Variants in HEPHL1 observed in about 807,000 individuals in gnomAD.
HEPHL1 encodes the protein ferroxidase HEPHL1.
Under a neutral mutation model 122.0 loss-of-function variants are expected in HEPHL1, and 123 were observed. The ratio of observed to expected loss-of-function variants is 1.01; its 90% CI spans 0.87 to 1.17. The LOEUF (loss-of-function observed/expected upper bound fraction) is 1.17, where lower values mean the gene tolerates loss of function less well. HEPHL1 is among the 50% of genes most tolerant of loss of function. The probability of loss-of-function intolerance (pLI) is 0.00; values close to 1 mark genes in which losing one functional copy is unlikely to be tolerated. For synonymous variants in HEPHL1, 527 were observed against 508.9 expected (o/e 1.04, Z -0.48); for missense variants, 1,452 against 1,430.5 (o/e 1.01, Z -0.24).
In HEPHL1 at chr11:94,070,534, C is replaced by G. The variant is rs372427530; in HGVS notation, c.1224C>G (p.Ala408=). The G allele has an allele frequency of 1.2e-6, 2 of 1,609,524 alleles. No homozygotes were observed. The highest frequency in any genetic ancestry group is 3.4e-5 in the Admixed American group (2 of 59,492). Residue 408 remains alanine (A), a synonymous_variant, in exon 6 of 20, where the codon GCC becomes GCG. Transcript: ENST00000315765. ...YNKFSGLPLN[A]SGSDSDLYFT... ...AATTCAGTGGTCTTCCTCTAAACGC[C>G]TCTGGCAGGTAAGCACCCTTTGTTG...
chr11:94,046,743 GA>G lies in HEPHL1; in HGVS notation c.415+831del, dbSNP rs201940679. ...GCAGTTTCTGGATTCCTCCCTAATT[GA>G]AAAATATTAAACAACTTTCTTAGAC... is the stretch of plus-strand genomic sequence containing the variant. On this transcript the variant is annotated intron_variant, in intron 2 of 19. Transcript: ENST00000315765. Among the ~76,000 whole-genome samples the G allele has an allele frequency of 3.1e-3, 468 of 151,954 alleles. 2 individuals are homozygous for G. The highest frequency in any genetic ancestry group is 0.011 in the African/African-American group (453 of 41,420).
chr11:94,046,340 C>T (rs1302310940), intron 2 of HEPHL1, among the ~76,000 whole-genome samples: 6 of 151,308 alleles, frequency 4.0e-5, no homozygotes, highest in Non-Finnish European at 8.8e-5. Flanking sequence ...TCAAATGATC[C>T]GCCCGCCTCA....
At chr11:94,038,116 A>G (rs1591463753) in intron 1 of HEPHL1, among the ~76,000 whole-genome samples, 5 of 150,824 alleles carry the variant, frequency 3.3e-5, no homozygotes, top group African/African-American at 1.2e-4. Context: ...AAGAAAGGGT[A>G]TCAGCAATGG....
In HEPHL1 at chr11:94,111,896, C is replaced by A. The variant is rs1946453704; in HGVS notation, c.*2C>A. ...GCTCTCCCCACGGATGCTCTGTGAA[C>A]CATCTGGTCTCCCTCAACAGGAAAG... On this transcript the variant is annotated 3_prime_UTR_variant, in exon 20 of 20. Transcript: ENST00000315765. The A allele has an allele frequency of 6.6e-7, 1 of 1,507,960 alleles. No individual in the cohort carries two copies. The highest frequency in any genetic ancestry group is 2.3e-5 in the Admixed American group (1 of 43,238). 93.4% of individuals were successfully genotyped at this position (1,507,960 alleles called of 1,614,324 possible).
At position 94,112,518 on chromosome 11, in the gene HEPHL1, A is replaced by G. The variant is rs1565365520; in HGVS notation, c.*624A>G. 2 of 152,362 alleles carry G rather than the reference A, an allele frequency of 1.3e-5. No homozygotes were observed. Among genetic ancestry groups the G allele is most frequent in the East Asian group, 3.9e-4 (2 of 5,194 alleles). 9.4% of individuals were successfully genotyped at this position (152,362 alleles called of 1,614,324 possible). A position where few individuals can be genotyped will look rare whatever the true frequency, so the allele number is the denominator to read the frequency against. On this transcript the variant is annotated 3_prime_UTR_variant, in exon 20 of 20. Transcript: ENST00000315765. ...AGTGCTTGTTTTAAAAAGCAAAGTT[A>G]TACGTTTTTTAAAAAATTGCTGCTG...
intron 1 of HEPHL1, among the ~76,000 whole-genome samples, chr11:94,039,404 T>G (rs1945754516): frequency 6.6e-6 from 1 of 151,992 alleles, no homozygotes; most frequent in Non-Finnish European, 1.5e-5. Context: ...CCACCCCAAA[T>G]CAACAGAATA....
chr11:94,110,968 G>C lies in HEPHL1; in HGVS notation c.3111G>C (p.Leu1037=), dbSNP rs368314503. 89 of 1,612,726 alleles carry C rather than the reference G, an allele frequency of 5.5e-5. No homozygotes were observed. The highest frequency in any genetic ancestry group is 4.2e-4 in the Admixed American group (25 of 59,866). Residue 1037 remains leucine, a synonymous_variant, in exon 18 of 20, where the codon CTG becomes CTC. Transcript: ENST00000315765. ...CTGGGACATTCCAAACCATTGAACT[G>C]TTTGCAGATCACCCAGGGACATGGC... The part of the protein sequence containing the change: ...LFPGTFQTIE[L]FADHPGTWLL...
Position 94,086,182 on chromosome 11 carries a change from C to T in HEPHL1, c.2073C>T (p.Asp691=). 1.2e-6 allele frequency: 2 copies of T among 1,609,078 alleles called. No individual in the cohort carries two copies. The highest frequency in any genetic ancestry group is 8.5e-7 in the Non-Finnish European group (1 of 1,177,850). The change falls in exon 11 of 20, where the codon GAC becomes GAT. Residue 691 remains aspartate (D), a synonymous_variant. Transcript: ENST00000315765. ...HMATTAFMQP[D]HAGIFRVFCA... ...CCACAACAGCATTCATGCAGCCAGA[C>T]CATGCAGGTAAACTTGCTGGGTCCA...
At chr11:94,042,388 G>T in intron 1 of HEPHL1, among the ~76,000 whole-genome samples, 1 of 140,628 alleles carries the variant, frequency 7.1e-6, no homozygotes, top group Non-Finnish European at 1.5e-5. Context: ...TATACCCAAA[G>T]GACTATAAAT....
chr11:94,094,360 G>T (rs1946292416), intron 13 of HEPHL1, among the ~76,000 whole-genome samples: 1 of 152,016 alleles, frequency 6.6e-6, no homozygotes, highest in Non-Finnish European at 1.5e-5. Context: ...AGTATTCCAT[G>T]GTGTATATGT....
chr11:94,064,202 T>C lies in HEPHL1; in HGVS notation c.629-129T>C, dbSNP rs1299750857. 8.1e-6 allele frequency: 5 copies of C among 614,932 alleles called. No homozygotes were observed. The East Asian group carries it at 1.4e-4, about 17-fold the overall frequency. The allele number at this position is 614,932 out of a possible 1,614,324, so 38.1% of individuals were successfully genotyped here. On this transcript the variant is annotated intron_variant, in intron 3 of 19. Transcript: ENST00000315765. ...TCTCCATTAAAGCCTTTTGCTGATTTTATATGGTGGGTTATCCTTGTAGGT... is the reference window on the plus strand; with the variant it reads ...TCTCCATTAAAGCCTTTTGCTGATTCTATATGGTGGGTTATCCTTGTAGGT...
intron 2 of HEPHL1, among the ~76,000 whole-genome samples, chr11:94,058,292 T>A (rs565217241): frequency 7.9e-5 from 12 of 152,322 alleles, no homozygotes; most frequent in African/African-American, 2.2e-4. Context: ...TTATTTTTTT[T>A]AAATCAATTT....
chr11:94,111,134 A>G (rs758065827), intron 18 of HEPHL1, 69 bp downstream of exon 18: 2 of 1,384,924 alleles, frequency 1.4e-6, no homozygotes, highest in Non-Finnish European at 2.0e-6. Flanking sequence ...AACAGGAGGC[A>G]TGACAAAAAC....
intron 8 of HEPHL1, among the ~76,000 whole-genome samples, chr11:94,074,084 G>A (rs1946101075): frequency 6.6e-6 from 1 of 152,048 alleles, no homozygotes; most frequent in Non-Finnish European, 1.5e-5. Flanking sequence ...TATTACTGCA[G>A]CAGACACCCT....
chr11:94,066,201 A>G (rs1207269721), intron 4 of HEPHL1, among the ~76,000 whole-genome samples: 1 of 152,186 alleles, frequency 6.6e-6, no homozygotes, highest in Admixed American at 6.5e-5. Flanking sequence ...CTCAAAAAAC[A>G]AAAACAAAAA....
At chr11:94,093,100 ATGTGTGTGTGTGTG>A (rs58076312) in intron 12 of HEPHL1, among the ~76,000 whole-genome samples, 3 of 148,818 alleles carry the variant, frequency 2.0e-5, no homozygotes, top group African/African-American at 7.4e-5. Context: ...GTGGACGTGT[ATGTGTGTGTGTGTG>A]TGTGTGTGTG....
chr11:94,071,727 G>A (rs1946075563), intron 6 of HEPHL1, among the ~76,000 whole-genome samples: 2 of 152,166 alleles, frequency 1.3e-5, no homozygotes, highest in South Asian at 4.1e-4. Context: ...AGTTGTCCTG[G>A]TAGTGAGTTA....
At chr11:94,093,971 G>GATAGATATATATATATATATATATAT (rs71036310) in intron 13 of HEPHL1, among the ~76,000 whole-genome samples, 2 of 72,774 alleles carry the variant, frequency 2.7e-5, no homozygotes, top group African/African-American at 9.9e-5. Context: ...TCCTCCAGCA[G>GATAGATATATATATATATATATATAT]ATATATATAT....
intron 1 of HEPHL1, among the ~76,000 whole-genome samples, chr11:94,027,752 C>T (rs918177689): frequency 1.3e-5 from 2 of 152,096 alleles, no homozygotes; most frequent in African/African-American, 4.8e-5. Context: ...TTTGAACACA[C>T]CTTGTATATG....
Sources: allele counts gnomAD v4.1 joint callset (sites outside exome capture counted in the v4.1 genomes callset), GRCh38; gene constraint gnomAD v4.1.1; transcripts MANE v1.5; gene names NCBI Gene and HGNC (gene_info 2026-07-23, HGNC 2026-07-21).